Variants in RBMS3 observed in about 807,000 individuals in gnomAD.
RBMS3 encodes the protein RNA binding motif single stranded interacting protein 3.
RBMS3 carries 27 observed loss-of-function variants against 66.8 expected under a neutral mutation model. The ratio of observed to expected loss-of-function variants is 0.40; its 90% confidence interval spans 0.30 to 0.56. The LOEUF is 0.56. RBMS3 is among the 20% of genes least tolerant of loss of function. The pLI is 0.40. For synonymous variants in RBMS3, 188 were observed against 183.0 expected, an observed-to-expected ratio of 1.03 and a Z score of -0.22; for missense variants, 513 against 549.5, an observed-to-expected ratio of 0.93 and a Z score of 0.66.
intron 1 of RBMS3, among the ~76,000 whole-genome samples, chr3:29,392,027 A>C (rs2039322298): frequency 6.6e-6 from 1 of 152,138 alleles, no homozygotes; most frequent in South Asian, 2.1e-4. Flanking sequence ...AGGAGGGTGG[A>C]TCACTTGAGG....
chr3:29,936,525 A>G (rs1340121247), intron 11 of RBMS3, among the ~76,000 whole-genome samples: 1 of 152,020 alleles, frequency 6.6e-6, no homozygotes, highest in Non-Finnish European at 1.5e-5. Context: ...AATATACTCA[A>G]TCCTGGTTTT....
At chr3:29,800,584 G>A (rs2057356912) in intron 6 of RBMS3, among the ~76,000 whole-genome samples, 1 of 152,090 alleles carries the variant, frequency 6.6e-6, no homozygotes, top group African/African-American at 2.4e-5. Context: ...CAAAGGTTAT[G>A]TACAAGAACT....
intron 3 of RBMS3, among the ~76,000 whole-genome samples, chr3:29,509,841 A>C (rs1241523608): frequency 6.6e-6 from 1 of 152,200 alleles, no homozygotes; most frequent in African/African-American, 2.4e-5. Context: ...AACAACAACA[A>C]AGGACTGTAT....
At chr3:29,441,531 G>T (rs528846569) in intron 2 of RBMS3, among the ~76,000 whole-genome samples, 1 of 152,080 alleles carries the variant, frequency 6.6e-6, no homozygotes, top group African/African-American at 2.4e-5. Flanking sequence ...AATTTATGCA[G>T]CCACCATAGC....
intron 4 of RBMS3, among the ~76,000 whole-genome samples, chr3:29,605,095 A>T (rs114666729): frequency 0.024 from 3,705 of 151,940 alleles, 171 homozygotes; most frequent in African/African-American, 0.085. Flanking sequence ...TGTATATTTC[A>T]AGCATAATAT....
At chr3:29,689,684 A>AT (rs1250751004) in intron 4 of RBMS3, among the ~76,000 whole-genome samples, 1 of 152,014 alleles carries the variant, frequency 6.6e-6, no homozygotes, top group Non-Finnish European at 1.5e-5. Context: ...TATGCAAATT[A>AT]TTTTTTCTCA....
chr3:29,990,658 T>G (rs1698799530), intron 13 of RBMS3, among the ~76,000 whole-genome samples: 2 of 152,160 alleles, frequency 1.3e-5, no homozygotes, highest in Admixed American at 6.5e-5. Context: ...TTGATGTATA[T>G]TTTTATTAAG....
intron 3 of RBMS3, among the ~76,000 whole-genome samples, chr3:29,532,400 G>A (rs1250415124): frequency 6.6e-6 from 1 of 151,034 alleles, no homozygotes; most frequent in African/African-American, 2.4e-5. Flanking sequence ...TTCTGCTTTG[G>A]GGGAAACTGA....
intron 3 of RBMS3, among the ~76,000 whole-genome samples, chr3:29,520,037 T>C (rs1378826878): frequency 1.3e-5 from 2 of 152,204 alleles, no homozygotes; most frequent in African/African-American, 4.8e-5. Context: ...TATCTGCAAT[T>C]CAAATGTAAC....
chr3:29,576,796 G>T (rs2047138002), intron 3 of RBMS3, among the ~76,000 whole-genome samples: 1 of 152,242 alleles, frequency 6.6e-6, no homozygotes, highest in Admixed American at 6.5e-5. Context: ...CCAGGCCACT[G>T]CCCATGTTCC....
chr3:29,592,400 T>A (rs2047773776), intron 4 of RBMS3, among the ~76,000 whole-genome samples: 1 of 152,074 alleles, frequency 6.6e-6, no homozygotes, highest in African/African-American at 2.4e-5. Flanking sequence ...AACAGACACA[T>A]GAAAAAATGC....
intron 6 of RBMS3, among the ~76,000 whole-genome samples, chr3:29,782,131 T>C (rs2056654353): frequency 6.6e-6 from 1 of 152,104 alleles, no homozygotes; most frequent in Admixed American, 6.5e-5. Context: ...GCCTGAATAC[T>C]TAACCAGGTG....
chr3:29,290,328 A>T (rs2032712260), intron 1 of RBMS3, among the ~76,000 whole-genome samples: 1 of 151,898 alleles, frequency 6.6e-6, no homozygotes, highest in East Asian at 1.9e-4. Flanking sequence ...CTAATAATTA[A>T]TCTCATCTCC....
rs567218781 is a variant in RBMS3 at position 29,457,772 on chromosome 3, G to A, written c.248+22857G>A. ...CATGTTATAAAGACAATTAAATACA[G>A]GTTGCTTCCCCATTTCCTTCTCCAA... On this transcript the variant is annotated intron_variant, in intron 2 of 14. Coordinates refer to ENST00000383767, the MANE Select transcript of RBMS3 (RefSeq NM_001003793.3). Among the ~76,000 whole-genome samples, 5 of 151,464 alleles carry A rather than the reference G, an allele frequency of 3.3e-5. No individual in the cohort carries two copies. In the East Asian group the frequency reaches 5.8e-4, roughly 18 times the overall value.
intron 1 of RBMS3, among the ~76,000 whole-genome samples, chr3:29,404,066 A>G (rs757595712): frequency 6.6e-6 from 1 of 152,182 alleles, no homozygotes; most frequent in Non-Finnish European, 1.5e-5. Context: ...GATGTCCAGC[A>G]GTGCTCCTCA....
At chr3:29,644,603 GA>G in intron 4 of RBMS3, among the ~76,000 whole-genome samples, 4 of 152,236 alleles carry the variant, frequency 2.6e-5, no homozygotes, top group Admixed American at 2.6e-4. Context: ...GCTATTGATA[GA>G]ACTTTGCCTA....
At chr3:29,527,182 A>T (rs258947) in intron 3 of RBMS3, among the ~76,000 whole-genome samples, 9,648 of 33,506 alleles carry the variant, frequency 0.29, 1,039 homozygotes, top group African/African-American at 0.51. Context: ...TAGGTAGAGT[A>T]AAAAAAAAAA....
At chr3:29,422,390 C>T (rs1467522658) in intron 1 of RBMS3, among the ~76,000 whole-genome samples, 2 of 82,674 alleles carry the variant, frequency 2.4e-5, no homozygotes, top group African/African-American at 6.3e-5. Flanking sequence ...TAGAATATCA[C>T]CAGCCCAAAA....
intron 4 of RBMS3, among the ~76,000 whole-genome samples, chr3:29,728,774 AT>A (rs904603154): frequency 1.2e-4 from 18 of 151,382 alleles, no homozygotes; most frequent in Non-Finnish European, 2.5e-4. Context: ...GACTGACAGA[AT>A]TTTAATGTAT....
Sources: gnomAD v4.1 joint callset for allele counts (sites outside exome capture counted in the v4.1 genomes callset) on GRCh38, gnomAD v4.1.1 for gene constraint, MANE v1.5 for transcripts, NCBI Gene and HGNC (gene_info 2026-07-23, HGNC 2026-07-21) for gene names.